CAMTA1: variants seen among roughly 807,000 people sequenced by gnomAD.
The protein encoded by CAMTA1 is calmodulin-binding transcription activator 1.
CAMTA1 carries 27 observed loss-of-function variants against 170.9 expected under a neutral mutation model. The ratio of observed to expected loss-of-function variants is 0.16; its 90% confidence interval spans 0.12 to 0.22. The LOEUF (loss-of-function observed/expected upper bound fraction) is 0.22, where lower values mean the gene tolerates loss of function less well. Ranked by LOEUF, CAMTA1 falls within the 10% of genes least tolerant of loss-of-function variation. The pLI, the probability that CAMTA1 is intolerant of heterozygous loss-of-function variation, is 1.00. For missense variants in CAMTA1, 1,619 were observed against 2,217.2 expected (o/e 0.73, Z 5.42); for synonymous variants, 833 against 891.5 (o/e 0.93, Z 1.17).
intron 6 of CAMTA1, among the ~76,000 whole-genome samples, chr1:7,541,412 G>C (rs1447173127): frequency 1.3e-5 from 2 of 152,224 alleles, no homozygotes; most frequent in Non-Finnish European, 2.9e-5. Context: ...GTTGGGAGAA[G>C]GGTTGATATT....
Position 6,918,998 on chromosome 1 carries a change from A to C in CAMTA1, c.234+93788A>C, listed in dbSNP as rs1385181083. On this transcript the variant is annotated intron_variant, in intron 3 of 22. Transcript: ENST00000303635. This position sits in a 1 kb window ranked among gnomAD's most constrained non-coding sequence, Gnocchi z 4.0. ...GAGCTGAACATTGGAAGGCCTCCTT[A>C]CCATTTTTGAAATGAAGCCCACAGT... 1.3e-5 allele frequency among the ~76,000 whole-genome samples: 2 copies of C among 152,148 alleles called. No homozygotes were observed. The highest frequency in any genetic ancestry group is 4.8e-5 in the African/African-American group (2 of 41,448).
chr1:7,349,496 G>A (rs1170898454), intron 5 of CAMTA1, among the ~76,000 whole-genome samples: 1 of 152,214 alleles, frequency 6.6e-6, no homozygotes, highest in Non-Finnish European at 1.5e-5. Context: ...GTGTACTCTG[G>A]CTGCCATGAC....
intron 5 of CAMTA1, among the ~76,000 whole-genome samples, chr1:7,361,678 C>CA (rs2085551509): frequency 6.6e-6 from 1 of 152,166 alleles, no homozygotes; most frequent in Admixed American, 6.5e-5. Context: ...GTTGGGGGTA[C>CA]ATTAAACTTT....
intron 3 of CAMTA1, among the ~76,000 whole-genome samples, chr1:6,982,545 C>A (rs1347415207): frequency 6.6e-6 from 1 of 152,184 alleles, no homozygotes; most frequent in African/African-American, 2.4e-5. Flanking sequence ...CAAGTGTTTC[C>A]TGCCTGAATT....
At chr1:7,751,109 T>C in intron 19 of CAMTA1, 90 bp from the exon 20 acceptor site, 2 of 1,053,914 alleles carry the variant, frequency 1.9e-6, no homozygotes, top group Non-Finnish European at 2.8e-6. Context: ...AAAAGCATTT[T>C]CTCTTCTTCC....
chr1:7,756,195 A>G (rs2096930404), intron 22 of CAMTA1, among the ~76,000 whole-genome samples: 1 of 151,566 alleles, frequency 6.6e-6, no homozygotes, highest in African/African-American at 2.4e-5. Context: ...CTGTGCCTGC[A>G]TTTTCTAAAT....
chr1:7,103,310 CGTCT>C (rs79323665), intron 4 of CAMTA1, among the ~76,000 whole-genome samples: 62,129 of 151,416 alleles, frequency 0.41, 13,196 homozygotes, highest in East Asian at 0.6. Context: ...ACTGAGGCAC[CGTCT>C]GTCTGAGAGG....
intron 3 of CAMTA1, among the ~76,000 whole-genome samples, chr1:6,863,720 C>A (rs1665598764): frequency 6.6e-6 from 1 of 152,180 alleles, no homozygotes; most frequent in East Asian, 1.9e-4. Flanking sequence ...CACCTGTTTC[C>A]CCTGCTAACA....
rs1404012435 is a variant in CAMTA1 at position 7,203,642 on chromosome 1, T to C, written c.303-45849T>C. ...ATCTAAGCTATCTAATTTGTTGGTG[T>C]ACAATTGCTCATAGTATTCCTTTGT... On this transcript the variant is annotated intron_variant, in intron 4 of 22. Transcript: ENST00000303635. Among the ~76,000 whole-genome samples, 5 of 152,104 alleles carry C rather than the reference T, an allele frequency of 3.3e-5. No individual in the cohort carries two copies. The East Asian group carries it at 9.7e-4, about 29-fold the overall frequency.
chr1:7,200,217 CTT>C (rs1464174796), intron 4 of CAMTA1, among the ~76,000 whole-genome samples: 1 of 152,120 alleles, frequency 6.6e-6, no homozygotes, highest in Non-Finnish European at 1.5e-5. Context: ...TTTTAACACT[CTT>C]TTGAAATATT....
chr1:7,358,787 G>A (rs905706202), intron 5 of CAMTA1, among the ~76,000 whole-genome samples: 1 of 152,184 alleles, frequency 6.6e-6, no homozygotes, highest in Non-Finnish European at 1.5e-5. Context: ...GACCTAATGA[G>A]GCCTTGGAGT....
intron 6 of CAMTA1, among the ~76,000 whole-genome samples, chr1:7,517,770 G>C (rs1043653831): frequency 6.6e-6 from 1 of 151,898 alleles, no homozygotes; most frequent in Non-Finnish European, 1.5e-5. Flanking sequence ...GAGAGAACAC[G>C]ATATCCATTC....
At chr1:7,390,964 G>A (rs534156250) in intron 5 of CAMTA1, among the ~76,000 whole-genome samples, 1 of 152,166 alleles carries the variant, frequency 6.6e-6, no homozygotes, top group Non-Finnish European at 1.5e-5. Context: ...CTGGTTCCTG[G>A]GACTGGGGAC....
At chr1:7,601,056 C>T (rs1259836828) in intron 6 of CAMTA1, among the ~76,000 whole-genome samples, 4 of 152,132 alleles carry the variant, frequency 2.6e-5, no homozygotes, top group African/African-American at 9.6e-5. Context: ...CCGGTAGGGG[C>T]GGCCGGGCAG....
intron 3 of CAMTA1, among the ~76,000 whole-genome samples, chr1:6,920,742 A>G (rs1681824117): frequency 6.6e-6 from 1 of 152,208 alleles, no homozygotes; most frequent in East Asian, 1.9e-4. Context: ...AGTGTGTGAA[A>G]GCTGCCAAGG....
chr1:7,521,478 G>T (rs1435386459), intron 6 of CAMTA1, among the ~76,000 whole-genome samples: 1 of 152,030 alleles, frequency 6.6e-6, no homozygotes, highest in Admixed American at 6.6e-5. Flanking sequence ...GTGTGTGTGT[G>T]TGTGTTTCAT....
chr1:7,281,800 TGTGTG>T (rs1200002547), intron 5 of CAMTA1, among the ~76,000 whole-genome samples: 1 of 7,066 alleles, frequency 1.4e-4, no homozygotes, highest in African/African-American at 3.4e-4. Flanking sequence ...GGAAAGAAAT[TGTGTG>T]TGTGTGTGTG....
intron 1 of CAMTA1, among the ~76,000 whole-genome samples, chr1:6,786,064 C>A (rs1477095395): frequency 6.6e-6 from 1 of 151,728 alleles, no homozygotes; most frequent in Non-Finnish European, 1.5e-5. Flanking sequence ...GCGGCAGCGG[C>A]CGGCGCTCAG....
chr1:7,657,483 A>G (rs1263294807), intron 7 of CAMTA1, among the ~76,000 whole-genome samples: 1 of 152,134 alleles, frequency 6.6e-6, no homozygotes, highest in Non-Finnish European at 1.5e-5. Flanking sequence ...CTTACAAGAC[A>G]TGTCATGACC....
Sources: allele counts gnomAD v4.1 joint callset (sites outside exome capture counted in the v4.1 genomes callset), GRCh38; gene constraint gnomAD v4.1.1; non-coding constraint Gnocchi (gnomAD v3.1); transcripts MANE v1.5; gene names NCBI Gene and HGNC (gene_info 2026-07-23, HGNC 2026-07-21).